FKBP4: variants seen among roughly 807,000 people sequenced by gnomAD.
FKBP4 encodes the protein peptidyl-prolyl cis-trans isomerase FKBP4.
A neutral mutation model predicts 54.1 loss-of-function variants in FKBP4; 28 were observed. The observed-to-expected ratio is 0.52, with a 90% CI of 0.38 to 0.71. The LOEUF is 0.71. Among genes scored for constraint, FKBP4 ranks in the 30% least tolerant of loss-of-function variants. The pLI is 0.00. For synonymous variants in FKBP4, 223 were observed against 216.1 expected, an observed-to-expected ratio of 1.03 and a Z score of -0.28; for missense variants, 493 against 574.4, an observed-to-expected ratio of 0.86 and a Z score of 1.45.
intron 1 of FKBP4, chr12:2,796,423 T>A: frequency 7.8e-7 from 1 of 1,279,964 alleles, no homozygotes; most frequent in Non-Finnish European, 1.0e-6. Context: ...TTTCTACTCC[T>A]CAAAGCCCCT....
chr12:2,803,057 G>A, intron 9 of FKBP4, 94 bp from the exon 10 acceptor site: 2 of 893,028 alleles, frequency 2.2e-6, no homozygotes, highest in Non-Finnish European at 3.6e-6. Context: ...GACAGATGTA[G>A]GAGAATGGGT....
Position 2,800,585 on chromosome 12 carries a change from C to CCCCTCAGAG in FKBP4, c.1032+9_1032+17dup. The CCCCTCAGAG allele has an allele frequency of 6.2e-7, 1 of 1,600,334 alleles. No homozygotes were observed. The highest frequency in any genetic ancestry group is 1.3e-5 in the African/African-American group (1 of 74,646). ...ATTGAAAGCTGTAACAAGGTGAGGC[C>CCCCTCAGAG]CCCTCAGAGGTCATGGAAGCAGCAT... On this transcript the variant is annotated intron_variant, in intron 8 of 9. Coordinates refer to ENST00000001008, the MANE Select transcript of FKBP4 (RefSeq NM_002014.4).
chr12:2,801,114 T>C lies in FKBP4; in HGVS notation c.1033-3T>C, dbSNP rs2097904496. 1 of 1,613,898 alleles carries C rather than the reference T, an allele frequency of 6.2e-7. No individual in the cohort carries two copies. On this transcript the variant is annotated splice_region_variant and splice_polypyrimidine_tract_variant and intron_variant, in intron 8 of 9. Coordinates refer to ENST00000001008, the MANE Select transcript of FKBP4 (RefSeq NM_002014.4). The stretch of plus-strand genomic sequence containing the variant: ...AATGTGGCTTCCTCTCTGCATTCTT[T>C]AGGCCCTAGAACTGGACAGCAACAA...
Position 2,803,408 on chromosome 12 carries a change from G to T in FKBP4, c.*150G>T. ...TGGTGGCTTTAGGGGAAGGGGGAAA[G>T]GTGTAGGCTGGGGGATTGAGGTGGG... On this transcript the variant is annotated 3_prime_UTR_variant, in exon 10 of 10. Transcript: ENST00000001008. 1.6e-6 allele frequency: 1 copy of T among 615,590 alleles called. No homozygotes were observed. The highest frequency in any genetic ancestry group is 1.8e-5 in the African/African-American group (1 of 54,610). 38.1% of individuals were successfully genotyped at this position (615,590 alleles called of 1,614,324 possible).
At chr12:2,800,642 G>T in intron 8 of FKBP4, 65 bp downstream of exon 8, 1 of 1,474,956 alleles carries the variant, frequency 6.8e-7, no homozygotes, top group Non-Finnish European at 9.1e-7. Context: ...CTGCCAGCAT[G>T]TCTGAAACTT....
chr12:2,796,414 T>TTCTACTCCTCAAAGCCCCTG, intron 1 of FKBP4: 1 of 1,285,588 alleles, frequency 7.8e-7, no homozygotes. Context: ...CCTTTTACCT[T>TTCTACTCCTCAAAGCCCCTG]TCTACTCCTC....
intron 1 of FKBP4, chr12:2,796,717 GGAA>G (rs1414914854): frequency 6.6e-6 from 7 of 1,067,202 alleles, no homozygotes; most frequent in Middle Eastern, 4.5e-4. Flanking sequence ...CTGGCATGAA[GGAA>G]GAAGGAGGAA....
Position 2,800,447 on chromosome 12 carries a change from AAT to A in FKBP4, c.905_906del (p.Tyr302Ter). ...TATAAGAAGATCGTGTCTTGGCTGG[AAT>A]ATGAGTCTAGTTTTTCCAATGAGGA... On this transcript the variant is annotated frameshift_variant, in exon 8 of 10. Transcript: ENST00000001008. LOFTEE classifies it high-confidence loss of function. The A allele has an allele frequency of 6.2e-7, 1 of 1,614,102 alleles. No homozygotes were observed. Among genetic ancestry groups the A allele is most frequent in the Non-Finnish European group, 8.5e-7 (1 of 1,179,976 alleles).
chr12:2,805,015 G>A lies in FKBP4; in HGVS notation c.*1757G>A, dbSNP rs2097906745. 3.2e-6 allele frequency: 1 copy of A among 312,668 alleles called. No homozygotes were observed. The highest frequency in any genetic ancestry group is 2.2e-5 in the African/African-American group (1 of 44,838). 19.4% of individuals were successfully genotyped at this position (312,668 alleles called of 1,614,324 possible). ...TCTGGGTCCTCTTGGTATTTCAAAAGTAGTAGATTCTTACGCCTGCAGCCA... is the reference window on the plus strand; with the variant it reads ...TCTGGGTCCTCTTGGTATTTCAAAAATAGTAGATTCTTACGCCTGCAGCCA... On this transcript the variant is annotated 3_prime_UTR_variant, in exon 10 of 10. Coordinates refer to ENST00000001008, the MANE Select transcript of FKBP4 (RefSeq NM_002014.4).
At position 2,797,881 on chromosome 12, in the gene FKBP4, T is replaced by C. The variant is rs771600360; in HGVS notation, c.393+10T>C. On this transcript the variant is annotated intron_variant, in intron 3 of 9. Transcript: ENST00000001008. ...CACGCTTGTATTTGAGGTGAGTGTTTGGTCACTGAGATCCAGGCTAAGAGC... is the reference window on the plus strand; with the variant it reads ...CACGCTTGTATTTGAGGTGAGTGTTCGGTCACTGAGATCCAGGCTAAGAGC... 4 of 1,610,678 alleles carry C rather than the reference T, an allele frequency of 2.5e-6. No individual in the cohort carries two copies. Among genetic ancestry groups the C allele is most frequent in the Non-Finnish European group, 3.4e-6 (4 of 1,177,618 alleles).
At position 2,797,230 on chromosome 12, in the gene FKBP4, G is replaced by C; in HGVS notation, c.198G>C (p.Lys66Asn). The C allele has an allele frequency of 1.9e-6, 3 of 1,613,954 alleles. No individual in the cohort carries two copies. The highest frequency in any genetic ancestry group is 2.5e-6 in the Non-Finnish European group (3 of 1,179,864). Residue 66 changes from lysine to asparagine, a missense_variant, in exon 2 of 10, where the codon AAG becomes AAC. Physicochemically the swap from Lys to Asn is moderately conservative, Grantham distance 94. Coordinates refer to ENST00000001008, the MANE Select transcript of FKBP4 (RefSeq NM_002014.4). ...CTGGCTGGCTATTAGATGGCACAAAGTTTGACTCCAGTCTGGATCGCAAGG... is the reference window on the plus strand; with the variant it reads ...CTGGCTGGCTATTAGATGGCACAAACTTTGACTCCAGTCTGGATCGCAAGG... The part of the protein sequence containing the change: ...HYTGWLLDGT[K>N]FDSSLDRKDK...
At chr12:2,800,646 G>A in intron 8 of FKBP4, 69 bp downstream of exon 8, 1 of 1,466,690 alleles carries the variant, frequency 6.8e-7, no homozygotes, top group Non-Finnish European at 9.1e-7. Flanking sequence ...CAGCATGTCT[G>A]AAACTTCCCC....
Position 2,799,957 on chromosome 12 carries a change from T to G in FKBP4, c.762+17T>G. The G allele has an allele frequency of 6.2e-7, 1 of 1,613,628 alleles. No homozygotes were observed. The highest frequency in any genetic ancestry group is 8.5e-7 in the Non-Finnish European group (1 of 1,179,554). On this transcript the variant is annotated intron_variant, in intron 6 of 9. Coordinates refer to ENST00000001008, the MANE Select transcript of FKBP4 (RefSeq NM_002014.4). ...TTTGAAAAGGTAAGTTTGCTCAGGG[T>G]CTTCCCATCTAAAGTCAAGTTCCAC...
In FKBP4 at chr12:2,795,974, G is replaced by A; in HGVS notation, c.105+730G>A. On this transcript the variant is annotated intron_variant, in intron 1 of 9. Coordinates refer to ENST00000001008, the MANE Select transcript of FKBP4 (RefSeq NM_002014.4). This position sits in a 1 kb window ranked among gnomAD's most constrained non-coding sequence, Gnocchi z 4.3. ...CCGGAGCCAGGGCTGCGGGGTGTGG[G>A]GCGGGGAGGAGGCGCTCTGCTGTGG... The A allele has an allele frequency of 1.9e-6, 2 of 1,078,704 alleles. No individual in the cohort carries two copies. Among genetic ancestry groups the A allele is most frequent in the Non-Finnish European group, 2.3e-6 (2 of 882,850 alleles). The allele number at this position is 1,078,704 out of a possible 1,614,324, so 66.8% of individuals were successfully genotyped here.
chr12:2,796,438 A>G (rs897594104), intron 1 of FKBP4: 17 of 1,263,896 alleles, frequency 1.3e-5, no homozygotes, highest in Admixed American at 7.5e-5. Context: ...GCCCCTGTCT[A>G]TTCTTCGTGG....
chr12:2,798,835 G>C lies in FKBP4; in HGVS notation c.514+9G>C, dbSNP rs1261489635. 1 of 1,613,502 alleles carries C rather than the reference G, an allele frequency of 6.2e-7. No homozygotes were observed. Among genetic ancestry groups the C allele is most frequent in the Non-Finnish European group, 8.5e-7 (1 of 1,179,446 alleles). On this transcript the variant is annotated intron_variant, in intron 4 of 9. Coordinates refer to ENST00000001008, the MANE Select transcript of FKBP4 (RefSeq NM_002014.4). This position sits in a 1 kb window ranked among gnomAD's most constrained non-coding sequence, Gnocchi z 4.3. Reference sequence around the variant, plus strand: ...GGGTGCTATCGTGGAGGGTGAGACAGTACAGTCTGGGCTTTCAATTCTCAT... The same window carrying C: ...GGGTGCTATCGTGGAGGGTGAGACACTACAGTCTGGGCTTTCAATTCTCAT...
chr12:2,800,622 G>A, intron 8 of FKBP4, 45 bp downstream of exon 8: 1 of 1,531,388 alleles, frequency 6.5e-7, no homozygotes, highest in South Asian at 1.3e-5. Context: ...CACAGGCAGA[G>A]TTGGGTGAGC....
At chr12:2,796,099 G>C in intron 1 of FKBP4, 1 of 1,210,488 alleles carries the variant, frequency 8.3e-7, no homozygotes, top group South Asian at 1.5e-5. Flanking sequence ...GTCGGAGCAG[G>C]TTCCAGGGAG....
In FKBP4 at chr12:2,797,704, G is replaced by A. The variant is rs1320584452; in HGVS notation, c.251-25G>A. ...CCAGAATCAGAACCCTGCTAAGGCGGTCCTGTTTGCTTCTGTACCTGCAGG... is the reference window on the plus strand; with the variant it reads ...CCAGAATCAGAACCCTGCTAAGGCGATCCTGTTTGCTTCTGTACCTGCAGG... On this transcript the variant is annotated intron_variant, in intron 2 of 9. Transcript: ENST00000001008. 7 of 1,600,732 alleles carry A rather than the reference G, an allele frequency of 4.4e-6. No individual in the cohort carries two copies. The South Asian group carries it at 6.7e-5, about 15-fold the overall frequency.
Sources: gnomAD v4.1 joint callset for allele counts on GRCh38, gnomAD v4.1.1 for gene constraint, Gnocchi (gnomAD v3.1) non-coding constraint, MANE v1.5 for transcripts, NCBI Gene and HGNC (gene_info 2026-07-23, HGNC 2026-07-21) for gene names.